Variants in SNX29 observed in about 807,000 individuals in gnomAD.
SNX29 encodes the protein sorting nexin-29.
In SNX29, 78 loss-of-function variants were observed where a neutral mutation model predicts 102.1. That is an observed-to-expected ratio of 0.76 (90% CI 0.64 to 0.92). The LOEUF is 0.92. Among genes scored for constraint, SNX29 ranks in the 40% least tolerant of loss-of-function variants. The pLI is 0.00. For synonymous variants in SNX29, 580 were observed against 414.5 expected (o/e 1.40, Z -4.85); for missense variants, 1,280 against 1,061.7 (o/e 1.21, Z -2.86).
chr16:12,538,722 GCA>G (rs1471465480), intron 20 of SNX29, among the ~76,000 whole-genome samples: 37 of 152,264 alleles, frequency 2.4e-4, no homozygotes, highest in Non-Finnish European at 3.8e-4. Context: ...ACATCAGGGA[GCA>G]CAGACAGGAG....
intron 11 of SNX29, among the ~76,000 whole-genome samples, chr16:12,118,371 A>G (rs2053828621): frequency 8.4e-6 from 1 of 118,604 alleles, no homozygotes; most frequent in South Asian, 2.9e-4. Context: ...CCCAGGCTGG[A>G]GTGCAGTGGC....
intron 15 of SNX29, among the ~76,000 whole-genome samples, chr16:12,313,994 ATTAT>A (rs1272479899): frequency 6.6e-6 from 1 of 152,096 alleles, no homozygotes; most frequent in Non-Finnish European, 1.5e-5. Context: ...TTTATTTTTA[ATTAT>A]TTATAGAGTC....
At chr16:12,217,472 A>T (rs971269034) in intron 14 of SNX29, among the ~76,000 whole-genome samples, 3 of 152,206 alleles carry the variant, frequency 2.0e-5, no homozygotes, top group Non-Finnish European at 2.9e-5. Flanking sequence ...CAATACTTTG[A>T]AACCTACAGG....
At chr16:12,194,106 T>G (rs186284914) in intron 13 of SNX29, among the ~76,000 whole-genome samples, 2 of 152,318 alleles carry the variant, frequency 1.3e-5, no homozygotes, top group Admixed American at 6.5e-5. Flanking sequence ...TTCTTTTGAG[T>G]CTTCTAAGCC....
chr16:12,533,281 G>A (rs1440114403), intron 20 of SNX29, among the ~76,000 whole-genome samples: 2 of 152,242 alleles, frequency 1.3e-5, no homozygotes, highest in East Asian at 1.9e-4. Flanking sequence ...ATCCGTAGCA[G>A]CTTCCTGGAA....
chr16:12,329,548 G>A (rs939411571), intron 15 of SNX29, among the ~76,000 whole-genome samples: 1 of 152,126 alleles, frequency 6.6e-6, no homozygotes, highest in African/African-American at 2.4e-5. Context: ...TCCTCTTAAT[G>A]GTTTTTATGA....
chr16:12,490,889 A>G (rs999842455), intron 19 of SNX29, among the ~76,000 whole-genome samples: 2 of 152,262 alleles, frequency 1.3e-5, no homozygotes. Flanking sequence ...CACTGTAAAT[A>G]CAGCTAAACC....
rs114365100 is a variant in SNX29 at position 12,252,991 on chromosome 16, G to A, written c.1679-24942G>A. Among the ~76,000 whole-genome samples, 704 of 152,292 alleles carry A rather than the reference G, an allele frequency of 4.6e-3. 7 individuals are homozygous for A. The highest frequency in any genetic ancestry group is 0.015 in the African/African-American group (630 of 41,562). ...GATAGGAGTGGGGGAGGGTTCTTGCGTTGGGTTTGAGAAATTTCCAGACCC... is the reference window on the plus strand; with the variant it reads ...GATAGGAGTGGGGGAGGGTTCTTGCATTGGGTTTGAGAAATTTCCAGACCC... On this transcript the variant is annotated intron_variant, in intron 14 of 20. Transcript: ENST00000566228.
At chr16:12,225,791 C>T (rs569543681) in intron 14 of SNX29, among the ~76,000 whole-genome samples, 249 of 151,338 alleles carry the variant, frequency 1.6e-3, no homozygotes, top group African/African-American at 5.7e-3. Context: ...TCTTGTTCTT[C>T]CTCATGTGTT....
At chr16:12,486,341 C>T (rs564978164) in intron 19 of SNX29, among the ~76,000 whole-genome samples, 2 of 152,300 alleles carry the variant, frequency 1.3e-5, no homozygotes, top group South Asian at 4.1e-4. Context: ...GGCCCCTGTA[C>T]AGTAGCATAT....
chr16:12,138,435 TGACCTCAA>T (rs2141479912), intron 13 of SNX29, among the ~76,000 whole-genome samples: 1 of 152,188 alleles, frequency 6.6e-6, no homozygotes, highest in South Asian at 2.1e-4. Context: ...CTCGAACTCC[TGACCTCAA>T]GTAATCTGCC....
chr16:12,422,053 C>T (rs1052317359), intron 18 of SNX29, among the ~76,000 whole-genome samples: 1 of 152,154 alleles, frequency 6.6e-6, no homozygotes, highest in African/African-American at 2.4e-5. Context: ...TCATCCATAT[C>T]CTCACCATCA....
chr16:12,177,679 G>GT (rs1475770845), intron 13 of SNX29, among the ~76,000 whole-genome samples: 4 of 152,138 alleles, frequency 2.6e-5, no homozygotes, highest in South Asian at 2.1e-4. Flanking sequence ...CAATTCAGTG[G>GT]TTTTTTATAT....
At chr16:12,538,263 C>T (rs573480261) in intron 20 of SNX29, among the ~76,000 whole-genome samples, 9 of 152,254 alleles carry the variant, frequency 5.9e-5, no homozygotes, top group African/African-American at 2.2e-4. Context: ...TTACAGGGAT[C>T]TGCCACCACA....
intron 20 of SNX29, among the ~76,000 whole-genome samples, chr16:12,542,758 CCTTT>C (rs2077399684): frequency 6.7e-6 from 1 of 148,378 alleles, no homozygotes; most frequent in African/African-American, 2.5e-5. Flanking sequence ...ACTATCACTG[CCTTT>C]TTTTTTTTTT....
chr16:12,145,745 C>T (rs2055041460), intron 13 of SNX29, among the ~76,000 whole-genome samples: 1 of 152,178 alleles, frequency 6.6e-6, no homozygotes, highest in African/African-American at 2.4e-5. Flanking sequence ...AAACAACAGA[C>T]ATTGTCTCAT....
At chr16:12,377,864 T>G in intron 16 of SNX29, among the ~76,000 whole-genome samples, 1 of 152,094 alleles carries the variant, frequency 6.6e-6, no homozygotes, top group East Asian at 1.9e-4. Flanking sequence ...CCTTAAATAG[T>G]CCACAATCTC....
chr16:12,464,277 G>A (rs1032554064), intron 18 of SNX29, among the ~76,000 whole-genome samples: 1 of 149,368 alleles, frequency 6.7e-6, no homozygotes, highest in African/African-American at 2.5e-5. Flanking sequence ...GCATGTTTAT[G>A]TGTGTGTATA....
intron 1 of SNX29, among the ~76,000 whole-genome samples, chr16:11,980,998 T>C (rs1210836677): frequency 6.6e-6 from 1 of 151,776 alleles, no homozygotes; most frequent in Non-Finnish European, 1.5e-5. Context: ...TCTTGCTCTA[T>C]CACCCAGGCT....
Sources: allele counts gnomAD v4.1 joint callset (sites outside exome capture counted in the v4.1 genomes callset), GRCh38; gene constraint gnomAD v4.1.1; transcripts MANE v1.5; gene names NCBI Gene and HGNC (gene_info 2026-07-23, HGNC 2026-07-21).